PSMG4: variants seen among roughly 807,000 people sequenced by gnomAD.
PSMG4 encodes proteasome (prosome, macropain) assembly chaperone 4.
In PSMG4, 10 loss-of-function variants were observed where a neutral mutation model predicts 11.0. The observed-to-expected ratio is 0.91, with a 90% CI of 0.56 to 1.54. The LOEUF is 1.54. Ranked by LOEUF, PSMG4 falls within the 40% of genes most tolerant of loss-of-function variation. PSMG4 has a pLI of 0.00. For synonymous variants in PSMG4, 95 were observed against 71.3 expected (o/e 1.33, Z -1.68); for missense variants, 198 against 160.9 (o/e 1.23, Z -1.25).
At chr6:3,267,220 G>A in intron 2 of PSMG4, 1 of 163,456 alleles carries the variant, frequency 6.1e-6, no homozygotes, top group East Asian at 1.7e-4. Flanking sequence ...TCTGTGTAGG[G>A]CAGAGGTTCT....
At chr6:3,262,720 C>T (rs1758035964) in intron 1 of PSMG4, among the ~76,000 whole-genome samples, 1 of 152,010 alleles carries the variant, frequency 6.6e-6, no homozygotes. Context: ...TCTCAGACCT[C>T]TGTAGCCAGG....
At chr6:3,255,113 C>T (rs757750688), upstream of PSMG4, 208 of 1,550,960 alleles carry the variant, frequency 1.3e-4, 1 homozygote, top group Non-Finnish European at 1.8e-4. Context: ...AGCACAACAT[C>T]ACCAGCTTAC....
At chr6:3,255,300 G>C, upstream of PSMG4, 1 of 1,522,318 alleles carries the variant, frequency 6.6e-7, no homozygotes, top group Middle Eastern at 2.3e-4. Context: ...CCCATCCTGG[G>C]AGAGTGGTGG....
chr6:3,264,118 C>T, intron 2 of PSMG4: 1 of 1,521,386 alleles, frequency 6.6e-7, no homozygotes, highest in Middle Eastern at 1.8e-4. Flanking sequence ...AAGGTAGCCT[C>T]CCGGGCCTTA....
At chr6:3,254,423 T>C (rs140735131), upstream of PSMG4, among the ~76,000 whole-genome samples, 26 of 149,444 alleles carry the variant, frequency 1.7e-4, no homozygotes, top group Non-Finnish European at 3.0e-4. Flanking sequence ...TCTGAGGAGG[T>C]ATGGCTTTGT....
At chr6:3,264,286 T>A in intron 2 of PSMG4, 2 of 1,551,318 alleles carry the variant, frequency 1.3e-6, no homozygotes, top group Non-Finnish European at 8.7e-7. Context: ...GGCTGAATGC[T>A]CCACTCTTCC....
upstream of PSMG4, among the ~76,000 whole-genome samples, chr6:3,257,729 GGGGCAGGAGTCATTACTGA>G (rs768898888): frequency 6.0e-4 from 91 of 152,170 alleles, no homozygotes; most frequent in Non-Finnish European, 1.0e-3. Context: ...TCAGTGGTTG[GGGGCAGGAGTCATTACTGA>G]GGGCAGGAGG....
upstream of PSMG4, among the ~76,000 whole-genome samples, chr6:3,254,428 C>G (rs532270732): frequency 4.8e-4 from 70 of 146,110 alleles, no homozygotes; most frequent in East Asian, 3.2e-3. Context: ...GGAGGTATGG[C>G]TTTGTGCTGT....
intron 1 of PSMG4, among the ~76,000 whole-genome samples, 186 bp downstream of exon 1, chr6:3,259,382 G>C (rs1270199183): frequency 6.6e-6 from 1 of 152,206 alleles, no homozygotes; most frequent in African/African-American, 2.4e-5. Flanking sequence ...GGAGCTGCGC[G>C]CGGGCCCCGG....
intron 1 of PSMG4, 25 bp downstream of exon 1, chr6:3,259,221 C>CGGGCGGCG (rs1004219653): frequency 2.5e-6 from 3 of 1,198,998 alleles, no homozygotes; most frequent in East Asian, 8.0e-5. Context: ...GCCGAGGGTG[C>CGGGCGGCG]GGGCGGCGGG....
At chr6:3,259,377 T>TGC (rs1757884234) in intron 1 of PSMG4, among the ~76,000 whole-genome samples, 181 bp downstream of exon 1, 1 of 152,008 alleles carries the variant, frequency 6.6e-6, no homozygotes, top group South Asian at 2.1e-4. Flanking sequence ...CCTCGGGAGC[T>TGC]GCGCGCGGGC....
upstream of PSMG4, chr6:3,254,946 C>CTGT: frequency 7.8e-7 from 1 of 1,279,188 alleles, no homozygotes; most frequent in South Asian, 1.5e-5. Flanking sequence ...TGGGTGTCAG[C>CTGT]TGTTGGGTGT....
chr6:3,264,599 T>C, intron 2 of PSMG4: 1 of 376,966 alleles, frequency 2.7e-6, no homozygotes. Flanking sequence ...CATGACAGTA[T>C]GTGGATAGGA....
At chr6:3,255,111 A>T (rs374481735), upstream of PSMG4, 1 of 1,551,102 alleles carries the variant, frequency 6.4e-7, no homozygotes, top group Non-Finnish European at 8.7e-7. Flanking sequence ...GGAGCACAAC[A>T]TCACCAGCTT....
chr6:3,260,590 A>ATCTTTAT lies in PSMG4; in HGVS notation c.174+1395_174+1401dup, dbSNP rs1444719858. Among the ~76,000 whole-genome samples the ATCTTTAT allele has an allele frequency of 1.4e-4, 21 of 152,256 alleles. No individual in the cohort carries two copies. The East Asian group carries it at 3.7e-3, about 27-fold the overall frequency. ...TTGGAAGTAAAGAATCTTTATGCTA[A>ATCTTTAT]TCTTTATCCTAAAGTGCCGGGATTA... On this transcript the variant is annotated intron_variant, in intron 1 of 2. Transcript: ENST00000438998.
At chr6:3,259,848 TCCGGCTTTGCGTGTCG>T (rs947047483) in intron 1 of PSMG4, among the ~76,000 whole-genome samples, 3 of 152,196 alleles carry the variant, frequency 2.0e-5, no homozygotes, top group African/African-American at 4.8e-5. Flanking sequence ...CTCCCGCCTT[TCCGGCTTTGCGTGTCG>T]CCGCCTGGTT....
intron 2 of PSMG4, chr6:3,267,043 G>C (rs1258308604): frequency 1.3e-5 from 2 of 152,122 alleles, no homozygotes; most frequent in East Asian, 3.9e-4. Flanking sequence ...TTTTAGTAGA[G>C]ACGGGGTTTC....
upstream of PSMG4, among the ~76,000 whole-genome samples, chr6:3,256,953 A>AGG (rs35508709): frequency 2.6e-5 from 4 of 151,848 alleles, no homozygotes; most frequent in Admixed American, 1.3e-4. Flanking sequence ...ACAGATAATG[A>AGG]GGGGGGTTCC....
chr6:3,256,786 ATAG>A (rs1440291186), upstream of PSMG4, among the ~76,000 whole-genome samples: 3 of 152,214 alleles, frequency 2.0e-5, no homozygotes, highest in Admixed American at 2.0e-4. Context: ...CCTGGCTTTC[ATAG>A]TCTGCCTCCA....
Sources: gnomAD v4.1 joint callset for allele counts (sites outside exome capture counted in the v4.1 genomes callset) on GRCh38, gnomAD v4.1.1 for gene constraint, MANE v1.5 for transcripts, NCBI Gene and HGNC (gene_info 2026-07-23, HGNC 2026-07-21) for gene names.